SCHIP1: variants seen among roughly 807,000 people sequenced by gnomAD.
SCHIP1 encodes the protein schwannomin interacting protein 1.
SCHIP1 carries 8 observed loss-of-function variants against 29.7 expected under a neutral mutation model. The ratio of observed to expected loss-of-function variants is 0.27; its 90% CI spans 0.16 to 0.49. The LOEUF is 0.49. Ranked by LOEUF, SCHIP1 falls within the 20% of genes least tolerant of loss-of-function variation. SCHIP1 has a pLI of 0.99. For synonymous variants in SCHIP1, 76 were observed against 94.9 expected (o/e 0.80, Z 1.16); for missense variants, 193 against 294.6 (o/e 0.66, Z 2.52).
chr3:159,490,770 G>C, the SCHIP1 span, among the ~76,000 whole-genome samples: 1 of 152,168 alleles, frequency 6.6e-6, no homozygotes. Context: ...TCCTAGGGTG[G>C]AGTGAGAGGA....
chr3:159,520,441 G>A, the SCHIP1 span, among the ~76,000 whole-genome samples: 4 of 152,202 alleles, frequency 2.6e-5, no homozygotes, highest in South Asian at 2.1e-4. Context: ...GAACAAATAT[G>A]TGACTGCTCA....
the SCHIP1 span, among the ~76,000 whole-genome samples, chr3:159,446,562 G>T: frequency 6.6e-6 from 1 of 152,022 alleles, no homozygotes; most frequent in Non-Finnish European, 1.5e-5. Context: ...ATACAATATT[G>T]TTGCATTACA....
At chr3:159,820,314 A>C in the SCHIP1 span, among the ~76,000 whole-genome samples, 5 of 152,234 alleles carry the variant, frequency 3.3e-5, no homozygotes, top group South Asian at 1.0e-3. Flanking sequence ...AGCCCCCACA[A>C]CCCTACCTTA....
chr3:159,397,368 C>G, the SCHIP1 span, among the ~76,000 whole-genome samples: 4 of 152,218 alleles, frequency 2.6e-5, no homozygotes, highest in Non-Finnish European at 5.9e-5. Context: ...TGGTGAGGAA[C>G]TGCATTCCTT....
At chr3:159,880,304 T>A (rs1716303667) in intron 2 of SCHIP1, among the ~76,000 whole-genome samples, 1 of 152,208 alleles carries the variant, frequency 6.6e-6, no homozygotes, top group Non-Finnish European at 1.5e-5. Flanking sequence ...CACCAAGACC[T>A]CCTTCCTTTT....
the SCHIP1 span, among the ~76,000 whole-genome samples, chr3:159,651,627 A>G: frequency 1.3e-5 from 2 of 152,218 alleles, no homozygotes; most frequent in Non-Finnish European, 2.9e-5. Context: ...ACCTCTGTAG[A>G]GAGCAGTTGC....
the SCHIP1 span, among the ~76,000 whole-genome samples, chr3:159,510,028 G>A: frequency 6.6e-6 from 1 of 152,150 alleles, no homozygotes; most frequent in Non-Finnish European, 1.5e-5. Flanking sequence ...TTGCTAGGTT[G>A]GGGAAGTTCT....
At chr3:159,712,846 AAGAG>A in the SCHIP1 span, among the ~76,000 whole-genome samples, 2,888 of 147,876 alleles carry the variant, frequency 0.02, 48 homozygotes, top group East Asian at 0.041. Flanking sequence ...GAAAGAAAGA[AAGAG>A]AGAGAGAAAG....
chr3:159,628,243 G>A, the SCHIP1 span, among the ~76,000 whole-genome samples: 2 of 152,200 alleles, frequency 1.3e-5, no homozygotes, highest in African/African-American at 4.8e-5. Context: ...GTGAACAGAA[G>A]AAGAAACAAC....
the SCHIP1 span, among the ~76,000 whole-genome samples, chr3:159,561,429 C>G: frequency 9.4e-3 from 1,425 of 152,276 alleles, 35 homozygotes; most frequent in African/African-American, 0.032. Flanking sequence ...AGTTGCTATT[C>G]CAATAATTCA....
At chr3:159,678,861 A>G in the SCHIP1 span, among the ~76,000 whole-genome samples, 1,028 of 152,332 alleles carry the variant, frequency 6.7e-3, 13 homozygotes, top group African/African-American at 0.024. Context: ...AACCCCTTAT[A>G]AAACCATTAG....
chr3:159,716,867 C>T, the SCHIP1 span, among the ~76,000 whole-genome samples: 3 of 152,300 alleles, frequency 2.0e-5, no homozygotes, highest in African/African-American at 7.2e-5. Context: ...AGGAATTGAA[C>T]TCAGCTGTGC....
At chr3:159,751,457 G>A in the SCHIP1 span, among the ~76,000 whole-genome samples, 1 of 152,130 alleles carries the variant, frequency 6.6e-6, no homozygotes, top group Admixed American at 6.5e-5. Flanking sequence ...CAGATTAGTG[G>A]ATGATTTATG....
At chr3:159,791,708 CT>C in the SCHIP1 span, among the ~76,000 whole-genome samples, 1 of 152,196 alleles carries the variant, frequency 6.6e-6, no homozygotes, top group African/African-American at 2.4e-5. Flanking sequence ...CCGTGGCTTC[CT>C]TTGCTTTCCC....
At chr3:159,405,077 G>T in the SCHIP1 span, among the ~76,000 whole-genome samples, 1 of 152,256 alleles carries the variant, frequency 6.6e-6, no homozygotes, top group South Asian at 2.1e-4. Context: ...CCATTACTGG[G>T]ATTATAATGT....
the SCHIP1 span, among the ~76,000 whole-genome samples, chr3:159,462,307 T>C: frequency 6.6e-6 from 1 of 152,126 alleles, no homozygotes; most frequent in Non-Finnish European, 1.5e-5. Context: ...CTGCCAGTCC[T>C]CTCTCTGGGC....
the SCHIP1 span, among the ~76,000 whole-genome samples, chr3:159,695,948 C>T: frequency 0.29 from 43,994 of 151,878 alleles, 9,415 homozygotes; most frequent in African/African-American, 0.6. Flanking sequence ...GTTCTTATCA[C>T]TTCTGGCCTG....
chr3:159,677,778 C>A, the SCHIP1 span, among the ~76,000 whole-genome samples: 1 of 152,136 alleles, frequency 6.6e-6, no homozygotes, highest in African/African-American at 2.4e-5. Flanking sequence ...CTTGATTACA[C>A]CTCAACAGTT....
At chr3:159,734,650 A>G in the SCHIP1 span, among the ~76,000 whole-genome samples, 1 of 152,110 alleles carries the variant, frequency 6.6e-6, no homozygotes, top group South Asian at 2.1e-4. Context: ...ATTTATTTCC[A>G]TAACCATAGG....
Sources: gnomAD v4.1 joint callset for allele counts (sites outside exome capture counted in the v4.1 genomes callset) on GRCh38, gnomAD v4.1.1 for gene constraint, MANE v1.5 for transcripts, NCBI Gene and HGNC (gene_info 2026-07-23, HGNC 2026-07-21) for gene names.